WDR33: variants seen among roughly 807,000 people sequenced by gnomAD.
The protein encoded by WDR33 is pre-mRNA 3' end processing protein WDR33.
A neutral mutation model predicts 164.9 loss-of-function variants in WDR33; 47 were observed. The ratio of observed to expected loss-of-function variants is 0.29; its 90% confidence interval spans 0.23 to 0.36. WDR33 has a LOEUF of 0.36. Among genes scored for constraint, WDR33 ranks in the 10% least tolerant of loss-of-function variants. The probability of loss-of-function intolerance (pLI) is 1.00; values close to 1 mark genes in which losing one functional copy is unlikely to be tolerated. For missense variants in WDR33, 1,137 were observed against 1,754.1 expected, an observed-to-expected ratio of 0.65 and a Z score of 6.28; for synonymous variants, 505 against 589.0, an observed-to-expected ratio of 0.86 and a Z score of 2.06.
At chr2:127,807,870 T>C (rs753149885) in intron 1 of WDR33, among the ~76,000 whole-genome samples, 7 of 152,118 alleles carry the variant, frequency 4.6e-5, no homozygotes, top group Non-Finnish European at 7.4e-5. Context: ...AAGGCTGAAG[T>C]GGGAGGATCG....
intron 7 of WDR33, among the ~76,000 whole-genome samples, chr2:127,732,145 ACACACACACACAGACG>A (rs1256096087): frequency 2.0e-5 from 3 of 149,744 alleles, no homozygotes; most frequent in Non-Finnish European, 3.0e-5. Flanking sequence ...ACACACACAC[ACACACACACACAGACG>A]GACACCCCAA....
Position 127,702,233 on chromosome 2 carries a change from C to A in WDR33, c.*4090G>T. 8.4e-7 allele frequency: 1 copy of A among 1,190,316 alleles called. No homozygotes were observed. The highest frequency in any genetic ancestry group is 1.0e-6 in the Non-Finnish European group (1 of 954,190). 73.7% of individuals were successfully genotyped at this position (1,190,316 alleles called of 1,614,324 possible). ...GCGGAGCCAGCGCCGTCGGAGACCGCGCCGGCCGAGCTGAGGACTGCACGC... is the reference window on the plus strand; with the variant it reads ...GCGGAGCCAGCGCCGTCGGAGACCGAGCCGGCCGAGCTGAGGACTGCACGC... On this transcript the variant is annotated 3_prime_UTR_variant, in exon 22 of 22. Transcript: ENST00000322313.
Position 127,764,572 on chromosome 2 carries a change from G to C in WDR33, c.626+256C>G. 1.9e-6 allele frequency: 3 copies of C among 1,551,178 alleles called. No homozygotes were observed. The highest frequency in any genetic ancestry group is 2.6e-6 in the Non-Finnish European group (3 of 1,146,894). On this transcript the variant is annotated intron_variant, in intron 6 of 21. Transcript: ENST00000322313. The surrounding 1 kb of genome is among the most constrained non-coding windows in gnomAD (Gnocchi z 6.2). Reference sequence around the variant, plus strand: ...ACACATTATTAATCATAAATGAAAAGAGAAAACCAGTGCAAAATGCGGCAG... The same window carrying C: ...ACACATTATTAATCATAAATGAAAACAGAAAACCAGTGCAAAATGCGGCAG...
intron 1 of WDR33, among the ~76,000 whole-genome samples, chr2:127,808,893 G>A (rs568330745): frequency 2.0e-5 from 3 of 152,070 alleles, no homozygotes; most frequent in Non-Finnish European, 4.4e-5. Context: ...AGCCGGACGC[G>A]GTGGCGGGCG....
intron 7 of WDR33, among the ~76,000 whole-genome samples, chr2:127,760,638 A>AT (rs1553476151): frequency 6.6e-6 from 1 of 152,218 alleles, no homozygotes; most frequent in Non-Finnish European, 1.5e-5. Flanking sequence ...CTGGAATCTA[A>AT]TAACTCTTCT....
At chr2:127,791,323 C>T (rs1688839634) in intron 1 of WDR33, among the ~76,000 whole-genome samples, 1 of 151,990 alleles carries the variant, frequency 6.6e-6, no homozygotes, top group African/African-American at 2.4e-5. Flanking sequence ...CACAGCCAAC[C>T]CACACTTCCC....
Position 127,708,710 on chromosome 2 carries a change from G to C in WDR33, c.3748C>G (p.Pro1250Ala), listed in dbSNP as rs1315659465. ...GTSEHREMEAPGGPSEDRGGK... is the reference protein window; with the variant it reads ...GTSEHREMEAAGGPSEDRGGK... ...CCTCGGTCTTCAGAAGGGCCTCCTG[G>C]GGCCTCCATCTCTCTGTGCTCAGAA... Residue 1250 changes from proline to alanine, a missense_variant, in exon 21 of 22, where the codon CCA becomes GCA. Physicochemically the swap from Pro to Ala is conservative, Grantham distance 27. Around this residue, in one of 9 missense-constraint regions of WDR33, gnomAD observed 867 missense variants for 1,073.0 expected, o/e 0.81. Coordinates refer to ENST00000322313, the MANE Select transcript of WDR33 (RefSeq NM_018383.5). The surrounding 1 kb of genome is among the most constrained non-coding windows in gnomAD (Gnocchi z 6.7). 4 of 1,611,576 alleles carry C rather than the reference G, an allele frequency of 2.5e-6. No homozygotes were observed. Among genetic ancestry groups the C allele is most frequent in the Middle Eastern group, 1.7e-4 (1 of 6,042 alleles).
chr2:127,786,588 C>A (rs1688582233), intron 1 of WDR33, among the ~76,000 whole-genome samples: 1 of 152,186 alleles, frequency 6.6e-6, no homozygotes, highest in Non-Finnish European at 1.5e-5. Flanking sequence ...GAGGCTACAG[C>A]ATGAGAATTG....
intron 21 of WDR33, among the ~76,000 whole-genome samples, chr2:127,707,996 T>G (rs1486540701): frequency 6.6e-6 from 1 of 152,076 alleles, no homozygotes; most frequent in African/African-American, 2.4e-5. Flanking sequence ...GGACCGTCCA[T>G]ACAGACAGGC....
intron 1 of WDR33, among the ~76,000 whole-genome samples, chr2:127,791,351 G>A (rs1386677290): frequency 6.6e-6 from 1 of 151,988 alleles, no homozygotes. Flanking sequence ...CATGTGCTAT[G>A]TATTAGTCTG....
At chr2:127,762,685 T>C in intron 7 of WDR33, 1 of 1,015,602 alleles carries the variant, frequency 9.8e-7, no homozygotes, top group Non-Finnish European at 1.2e-6. Flanking sequence ...GGTTAATTCA[T>C]ATTGTAAAAG....
intron 7 of WDR33, among the ~76,000 whole-genome samples, chr2:127,740,514 C>A (rs892595429): frequency 1.3e-5 from 2 of 152,176 alleles, no homozygotes; most frequent in African/African-American, 4.8e-5. Context: ...CACCACACTT[C>A]CAGCCTGGGT....
At chr2:127,737,259 C>T in intron 7 of WDR33, 1 of 985,348 alleles carries the variant, frequency 1.0e-6, no homozygotes, top group Non-Finnish European at 1.2e-6. Flanking sequence ...TCATAGAGAA[C>T]ATCAGCCATT....
chr2:127,745,242 T>A (rs1286439782), intron 7 of WDR33, among the ~76,000 whole-genome samples: 3 of 152,214 alleles, frequency 2.0e-5, no homozygotes, highest in East Asian at 1.9e-4. Flanking sequence ...CAGTCAAGCA[T>A]ATAAAAATCA....
At chr2:127,809,691 G>T (rs1689578621) in intron 1 of WDR33, among the ~76,000 whole-genome samples, 1 of 151,886 alleles carries the variant, frequency 6.6e-6, no homozygotes, top group East Asian at 1.9e-4. Context: ...CCACCCTGGC[G>T]TCCCAAAGTG....
At chr2:127,759,457 G>A (rs1687614991) in intron 7 of WDR33, among the ~76,000 whole-genome samples, 2 of 152,130 alleles carry the variant, frequency 1.3e-5, no homozygotes, top group Admixed American at 6.5e-5. Flanking sequence ...TTGGGAGGCC[G>A]AGGAGCATGG....
intron 7 of WDR33, 70 bp downstream of exon 7, chr2:127,762,992 T>C (rs975186454): frequency 1.2e-6 from 2 of 1,608,436 alleles, no homozygotes; most frequent in Non-Finnish European, 1.7e-6. Flanking sequence ...AGTATTGTGG[T>C]TTTGTGATGA....
chr2:127,793,596 C>A (rs1688917868), intron 1 of WDR33, among the ~76,000 whole-genome samples: 1 of 151,888 alleles, frequency 6.6e-6, no homozygotes, highest in Admixed American at 6.6e-5. Context: ...AATAAATTAG[C>A]CGGGCATGGT....
At chr2:127,785,644 T>C (rs559239387) in intron 1 of WDR33, among the ~76,000 whole-genome samples, 74 of 151,770 alleles carry the variant, frequency 4.9e-4, no homozygotes, top group African/African-American at 1.7e-3. Flanking sequence ...TTTTCAGGTC[T>C]TGATAGCTTT....
Sources: gnomAD v4.1 joint callset for allele counts (sites outside exome capture counted in the v4.1 genomes callset) on GRCh38, gnomAD v4.1.1 for gene constraint, gnomAD v4.1.1 regional missense constraint, Gnocchi (gnomAD v3.1) non-coding constraint, MANE v1.5 for transcripts, NCBI Gene and HGNC (gene_info 2026-07-23, HGNC 2026-07-21) for gene names.